BRAP: variants seen among roughly 807,000 people sequenced by gnomAD.
BRAP encodes the protein BRCA1-associated protein.
BRAP carries 42 observed loss-of-function variants against 73.4 expected under a neutral mutation model. The observed-to-expected ratio is 0.57, with a 90% CI of 0.45 to 0.74. The LOEUF is 0.74. Among genes scored for constraint, BRAP ranks in the 30% least tolerant of loss-of-function variants. The pLI, the probability that BRAP is intolerant of heterozygous loss-of-function variation, is 0.00. For missense variants in BRAP, 593 were observed against 751.4 expected, an observed-to-expected ratio of 0.79 and a Z score of 2.46; for synonymous variants, 255 against 267.4, an observed-to-expected ratio of 0.95 and a Z score of 0.45.
At chr12:111,658,047 T>C (rs772784975) in intron 9 of BRAP, among the ~76,000 whole-genome samples, 3 of 151,780 alleles carry the variant, frequency 2.0e-5, no homozygotes, top group Non-Finnish European at 2.9e-5. Flanking sequence ...CAAGAAATTC[T>C]GGTGCCTCAG....
rs1177204922 is a variant in BRAP at position 111,685,761 on chromosome 12, T to G, written c.32A>C (p.Glu11Ala). MSVSLVVIRL[E>A]LAEHSPVPAG... ...GGGGACAGGCGAGTGTTCCGCGAGC[T>G]CCAATCGGATAACAACCAGTGACAC... Residue 11 changes from glutamate (E) to alanine (A), a missense_variant, in exon 1 of 12, where the codon GAG becomes GCG. Glu to Ala is a moderately radical substitution (Grantham distance 107). Around this residue, in one of 4 missense-constraint regions of BRAP, gnomAD observed 304 missense variants for 337.7 expected, o/e 0.90. Transcript: ENST00000419234. 6.2e-7 allele frequency: 1 copy of G among 1,609,222 alleles called. No homozygotes were observed. The highest frequency in any genetic ancestry group is 8.5e-7 in the Non-Finnish European group (1 of 1,178,582).
chr12:111,683,301 T>A lies in BRAP; in HGVS notation c.89A>T (p.Glu30Val). The A allele has an allele frequency of 1.2e-6, 2 of 1,609,310 alleles. 1 individual carries two copies. Among genetic ancestry groups the A allele is most frequent in the Non-Finnish European group, 1.7e-6 (2 of 1,178,684 alleles). The change falls in exon 2 of 12, where the codon GAA becomes GTA. Residue 30 changes from glutamate to valine, a missense_variant. Glu to Val is a moderately radical substitution (Grantham distance 121). Transcript: ENST00000419234. ...CTTTTTTATCTCCTCATCAGACATTTCCCCGGCTAAAGAACACATGAATGA... is the reference window on the plus strand; with the variant it reads ...CTTTTTTATCTCCTCATCAGACATTACCCCGGCTAAAGAACACATGAATGA... The part of the protein sequence containing the change: ...AGFGFSAAAG[E>V]MSDEEIKKTT...
chr12:111,668,485 A>G (rs967678775), intron 5 of BRAP, among the ~76,000 whole-genome samples: 1 of 152,224 alleles, frequency 6.6e-6, no homozygotes, highest in African/African-American at 2.4e-5. Flanking sequence ...AAATGCTTAC[A>G]GCAACTAGCT....
chr12:111,673,125 TG>T (rs1349652722), intron 4 of BRAP: 6 of 204,506 alleles, frequency 2.9e-5, no homozygotes, highest in African/African-American at 4.6e-5. Context: ...AGTCATCACT[TG>T]TGCAGCTGAA....
intron 2 of BRAP, among the ~76,000 whole-genome samples, chr12:111,682,194 G>T (rs1008709851): frequency 3.9e-5 from 6 of 152,156 alleles, no homozygotes; most frequent in African/African-American, 1.4e-4. Flanking sequence ...TGTTGGAGAT[G>T]TAGTACTATC....
chr12:111,681,976 G>A lies in BRAP; in HGVS notation c.245-141C>T, dbSNP rs1057302255. On this transcript the variant is annotated intron_variant, in intron 2 of 11. Coordinates refer to ENST00000419234, the MANE Select transcript of BRAP (RefSeq NM_006768.5). The stretch of plus-strand genomic sequence containing the variant: ...AATGCATTAACAGCTATTATTTGTA[G>A]AATAGCTGAGTTTATGAGGGCATCA... 6.4e-6 allele frequency: 5 copies of A among 784,166 alleles called. No individual in the cohort carries two copies. The East Asian group carries it at 8.4e-5, about 13-fold the overall frequency. 48.6% of individuals were successfully genotyped at this position (784,166 alleles called of 1,614,324 possible).
At chr12:111,656,841 C>G (rs1483809370) in intron 9 of BRAP, among the ~76,000 whole-genome samples, 3 of 152,160 alleles carry the variant, frequency 2.0e-5, no homozygotes. Context: ...TCAAGGGATC[C>G]TCCTGCCTCA....
intron 4 of BRAP, among the ~76,000 whole-genome samples, chr12:111,674,084 G>A (rs1310910380): frequency 6.6e-6 from 1 of 152,164 alleles, no homozygotes; most frequent in Non-Finnish European, 1.5e-5. Context: ...ATGCAGCATC[G>A]TCAACCTTAA....
chr12:111,660,625 T>G lies in BRAP; in HGVS notation c.947A>C (p.Lys316Thr), dbSNP rs780327818. 2.5e-6 allele frequency: 4 copies of G among 1,607,242 alleles called. No homozygotes were observed. Among genetic ancestry groups the G allele is most frequent in the Non-Finnish European group, 2.5e-6 (3 of 1,176,532 alleles). The change falls in exon 7 of 12, where the codon AAG becomes ACG. Residue 316 changes from lysine (K) to threonine (T), a missense_variant. By Grantham distance (78) the Lys-to-Thr change is moderately conservative (BLOSUM62 -1). Transcript: ENST00000419234. ...TTCCTGAACACCACACTCAAAACACTTATTTTCTTCTACTGGCTCGGGCGT... is the reference window on the plus strand; with the variant it reads ...TTCCTGAACACCACACTCAAAACACGTATTTTCTTCTACTGGCTCGGGCGT... ...CQTPEPVEENKCFECGVQENL... is the reference protein window; with the variant it reads ...CQTPEPVEENTCFECGVQENL...
chr12:111,651,306 G>A (rs1886314685), intron 10 of BRAP, among the ~76,000 whole-genome samples: 1 of 151,980 alleles, frequency 6.6e-6, no homozygotes, highest in Non-Finnish European at 1.5e-5. Flanking sequence ...TTGGGAGGCC[G>A]AGACGGGTGG....
intron 4 of BRAP, among the ~76,000 whole-genome samples, chr12:111,678,486 G>C (rs756256933): frequency 3.3e-5 from 5 of 149,532 alleles, no homozygotes; most frequent in Non-Finnish European, 7.4e-5. Flanking sequence ...GTGAAACTCT[G>C]TCTGCACTAA....
chr12:111,683,830 C>G (rs1887693620), intron 1 of BRAP, among the ~76,000 whole-genome samples: 1 of 152,202 alleles, frequency 6.6e-6, no homozygotes, highest in Non-Finnish European at 1.5e-5. Flanking sequence ...GTTTGAGCCA[C>G]TGCGCCTGGC....
intron 4 of BRAP, among the ~76,000 whole-genome samples, chr12:111,674,174 T>C (rs1035380981): frequency 2.0e-5 from 3 of 152,202 alleles, no homozygotes; most frequent in Non-Finnish European, 4.4e-5. Context: ...ACAGACACTG[T>C]AAGCTTCTCG....
At chr12:111,650,944 TC>T (rs1172872071) in intron 10 of BRAP, among the ~76,000 whole-genome samples, 4 of 152,086 alleles carry the variant, frequency 2.6e-5, no homozygotes, top group African/African-American at 9.7e-5. Context: ...ACGGCAGCCA[TC>T]CCAGCCCAGA....
At chr12:111,675,756 G>C (rs941539165) in intron 4 of BRAP, among the ~76,000 whole-genome samples, 7 of 151,830 alleles carry the variant, frequency 4.6e-5, no homozygotes, top group Non-Finnish European at 1.0e-4. Flanking sequence ...AATCCATTAT[G>C]ATCAAGTTCC....
At chr12:111,653,440 G>A (rs17685230) in intron 10 of BRAP, among the ~76,000 whole-genome samples, 2,661 of 152,270 alleles carry the variant, frequency 0.017, 28 homozygotes, top group Middle Eastern at 0.044. Context: ...TACTTTTAGA[G>A]GAGGTCACCT....
rs534174383 is a variant in BRAP, at chr12:111,669,232, C to T, written c.747+3429G>A. Among the ~76,000 whole-genome samples, 915 of 143,346 alleles carry T rather than the reference C, an allele frequency of 6.4e-3. 5 individuals carry two copies. Among genetic ancestry groups the T allele is most frequent in the Admixed American group, 6.8e-3 (97 of 14,268 alleles). The allele number at this position is 143,346 out of a possible 152,430, so 94.0% of individuals were successfully genotyped here. A position where few individuals can be genotyped will look rare whatever the true frequency, so the allele number is the denominator to read the frequency against. On this transcript the variant is annotated intron_variant, in intron 5 of 11. Coordinates refer to ENST00000419234, the MANE Select transcript of BRAP (RefSeq NM_006768.5). The stretch of plus-strand genomic sequence containing the variant: ...AGACAATAACTATTTGCTTCTCTCT[C>T]TTTTTTTTTTTTTTGAGACGGAGTT...
chr12:111,649,843 G>T, intron 11 of BRAP, 96 bp downstream of exon 11: 1 of 847,602 alleles, frequency 1.2e-6, no homozygotes, highest in Non-Finnish European at 1.8e-6. Context: ...AAAACCTGGT[G>T]ATACATATAT....
intron 11 of BRAP, among the ~76,000 whole-genome samples, chr12:111,647,277 A>C (rs549357642): frequency 8.7e-4 from 133 of 152,302 alleles, no homozygotes; most frequent in African/African-American, 1.8e-3. Flanking sequence ...TTTCAACAAC[A>C]ACCACCACAA....
Sources: gnomAD v4.1 joint callset for allele counts (sites outside exome capture counted in the v4.1 genomes callset) on GRCh38, gnomAD v4.1.1 for gene constraint, gnomAD v4.1.1 regional missense constraint, MANE v1.5 for transcripts, NCBI Gene and HGNC (gene_info 2026-07-23, HGNC 2026-07-21) for gene names.